The following KCTD1 variants were observed in gnomAD, a reference collection of about 807,000 sequenced individuals.
The protein encoded by KCTD1 is potassium channel tetramerization domain containing 1.
A neutral mutation model predicts 66.0 loss-of-function variants in KCTD1; 24 were observed. The observed-to-expected ratio is 0.36, with a 90% confidence interval of 0.26 to 0.51. KCTD1 has a LOEUF of 0.51. KCTD1 is among the 20% of genes least tolerant of loss of function. KCTD1 has a pLI of 0.95. For synonymous variants in KCTD1, 511 were observed against 517.2 expected, an observed-to-expected ratio of 0.99 and a Z score of 0.16; for missense variants, 943 against 1,205.2, an observed-to-expected ratio of 0.78 and a Z score of 3.22.
chr18:26,461,132 C>T (rs559606753), intron 3 of KCTD1, among the ~76,000 whole-genome samples: 1 of 152,306 alleles, frequency 6.6e-6, no homozygotes, highest in South Asian at 2.1e-4. Flanking sequence ...CACAAGATGA[C>T]CATGGGATAA....
intron 1 of KCTD1, among the ~76,000 whole-genome samples, chr18:26,515,424 T>C (rs552749316): frequency 1.3e-5 from 2 of 152,154 alleles, no homozygotes; most frequent in South Asian, 4.1e-4. Flanking sequence ...GATCTAAACT[T>C]ACATCCTCCT....
rs139951629 is a variant in KCTD1 at position 26,604,883 on chromosome 18, C to T, written c.-16+24264G>A. ...ACAAACCTTCACATATATCCCTGAA[C>T]CTAAAATAAAAGTTAAAAAAAAATA... On this transcript the variant is annotated intron_variant, in intron 1 of 4. Coordinates refer to the KCTD1 transcript ENST00000317932. Among the ~76,000 whole-genome samples, 901 of 152,082 alleles carry T rather than the reference C, an allele frequency of 5.9e-3. 6 individuals are homozygous for T. The highest frequency in any genetic ancestry group is 0.013 in the Admixed American group (191 of 15,270).
At chr18:26,462,784 C>A (rs184062794) in intron 3 of KCTD1, among the ~76,000 whole-genome samples, 1 of 152,316 alleles carries the variant, frequency 6.6e-6, no homozygotes, top group African/African-American at 2.4e-5. Flanking sequence ...GATCATTTAA[C>A]TTTACTCTCT....
At chr18:26,585,416 C>T (rs1180888802) in intron 1 of KCTD1, among the ~76,000 whole-genome samples, 5 of 152,142 alleles carry the variant, frequency 3.3e-5, no homozygotes, top group African/African-American at 4.8e-5. Flanking sequence ...AGTTTTTGTT[C>T]AACTATTTAA....
In KCTD1 at chr18:26,455,649, C is replaced by CTT. The variant is rs1385695029; in HGVS notation, c.*92_*93dup. ...CTTTTATTCGATTTTACGTCCAGGACTTGGTTTGCTGTCCCAACTGCACAT... is the reference window on the plus strand; with the variant it reads ...CTTTTATTCGATTTTACGTCCAGGACTTTTGGTTTGCTGTCCCAACTGCACAT... On this transcript the variant is annotated 3_prime_UTR_variant, in exon 5 of 5. Coordinates refer to ENST00000580059, the MANE Select transcript of KCTD1 (RefSeq NM_001142730.3). 2 of 1,518,612 alleles carry CTT rather than the reference C, an allele frequency of 1.3e-6. No individual in the cohort carries two copies. Among genetic ancestry groups the CTT allele is most frequent in the Admixed American group, 1.8e-5 (1 of 55,516 alleles). The allele number at this position is 1,518,612 out of a possible 1,614,324, so 94.1% of individuals were successfully genotyped here.
At chr18:26,579,514 T>TA (rs1986304747) in intron 1 of KCTD1, among the ~76,000 whole-genome samples, 1 of 152,224 alleles carries the variant, frequency 6.6e-6, no homozygotes, top group Non-Finnish European at 1.5e-5. Flanking sequence ...AGTTAGGGTT[T>TA]TCTGTACTGT....
intron 1 of KCTD1, among the ~76,000 whole-genome samples, chr18:26,508,709 T>G (rs28544943): frequency 1.4e-5 from 1 of 72,918 alleles, no homozygotes; most frequent in Non-Finnish European, 3.8e-5. Flanking sequence ...TTAAATATAT[T>G]TCTCTCTCTC....
chr18:26,528,972 A>C lies in KCTD1; in HGVS notation c.1809+17756T>G, dbSNP rs1984305747. Among the ~76,000 whole-genome samples the C allele has an allele frequency of 2.0e-5, 3 of 152,172 alleles. No individual in the cohort carries two copies. In the South Asian group the frequency reaches 6.2e-4, roughly 32 times the overall value. On this transcript the variant is annotated intron_variant, in intron 1 of 4. Coordinates refer to ENST00000580059, the MANE Select transcript of KCTD1 (RefSeq NM_001142730.3). Reference sequence around the variant, plus strand: ...ATCTGCCCCAATAGCTTCAATTATCATCTGTAAACTGATGAAATTCCAAAT... The same window carrying C: ...ATCTGCCCCAATAGCTTCAATTATCCTCTGTAAACTGATGAAATTCCAAAT...
chr18:26,549,792 G>A (rs1598936517), upstream of KCTD1: 1 of 985,468 alleles, frequency 1.0e-6, no homozygotes, highest in East Asian at 1.1e-4. Context: ...GCGCGGGGGC[G>A]GGCACCTCGG....
intron 1 of KCTD1, among the ~76,000 whole-genome samples, chr18:26,536,664 C>T (rs1223323537): frequency 1.3e-5 from 2 of 152,178 alleles, no homozygotes; most frequent in Non-Finnish European, 2.9e-5. Context: ...AGGTATTCCA[C>T]TGTAGTTTCT....
intron 1 of KCTD1, among the ~76,000 whole-genome samples, chr18:26,653,467 C>A (rs1230131539): frequency 2.0e-5 from 3 of 152,322 alleles, no homozygotes; most frequent in East Asian, 3.9e-4. Context: ...TACCAGAACC[C>A]CATATTCCTC....
At chr18:26,651,118 T>TC (rs1491355155) in intron 1 of KCTD1, among the ~76,000 whole-genome samples, 1 of 137,500 alleles carries the variant, frequency 7.3e-6, no homozygotes, top group Non-Finnish European at 1.6e-5. Context: ...TTGTTTTTTT[T>TC]CTTTCTCTCT....
intron 2 of KCTD1, among the ~76,000 whole-genome samples, chr18:26,486,213 G>A (rs1218935376): frequency 6.6e-6 from 1 of 152,162 alleles, no homozygotes; most frequent in Non-Finnish European, 1.5e-5. Flanking sequence ...ACCCGGCCCT[G>A]ATTTAATCTT....
At chr18:26,465,221 C>T (rs62086998) in intron 3 of KCTD1, among the ~76,000 whole-genome samples, 117,907 of 151,942 alleles carry the variant, frequency 0.78, 46,304 homozygotes, top group East Asian at 0.88. Flanking sequence ...GTAGCTGGGA[C>T]TACAGGTGCC....
chr18:26,657,123 C>T (rs1988172321), intron 1 of KCTD1, among the ~76,000 whole-genome samples: 1 of 151,720 alleles, frequency 6.6e-6, no homozygotes, highest in Admixed American at 6.6e-5. Flanking sequence ...CTCTCGCCAG[C>T]TCCCACTGGA....
intron 1 of KCTD1, among the ~76,000 whole-genome samples, chr18:26,591,193 T>A (rs577529669): frequency 6.6e-5 from 10 of 152,004 alleles, no homozygotes; most frequent in Non-Finnish European, 1.3e-4. Context: ...ACCAGCTAAT[T>A]ATTATTATTT....
At chr18:26,649,109 C>T (rs1288612777) in intron 1 of KCTD1, among the ~76,000 whole-genome samples, 5 of 152,318 alleles carry the variant, frequency 3.3e-5, no homozygotes, top group South Asian at 2.1e-4. Context: ...AGTCATTTCA[C>T]GACCCCACAT....
At chr18:26,576,720 T>C (rs2144910228) in intron 1 of KCTD1, among the ~76,000 whole-genome samples, 1 of 152,316 alleles carries the variant, frequency 6.6e-6, no homozygotes, top group South Asian at 2.1e-4. Context: ...AAGGTTATAT[T>C]TTAGGATTTG....
chr18:26,489,331 T>C (rs1292524130), intron 2 of KCTD1, among the ~76,000 whole-genome samples: 2 of 152,216 alleles, frequency 1.3e-5, no homozygotes, highest in South Asian at 2.1e-4. Flanking sequence ...TCTCCTAACA[T>C]AGCTCACGTT....
Sources: gnomAD v4.1 joint callset for allele counts (sites outside exome capture counted in the v4.1 genomes callset) on GRCh38, gnomAD v4.1.1 for gene constraint, MANE v1.5 for transcripts, NCBI Gene and HGNC (gene_info 2026-07-23, HGNC 2026-07-21) for gene names.